The following PAK1 variants were observed in gnomAD, a reference collection of about 807,000 sequenced individuals.
PAK1 encodes p21 (RAC1) activated kinase 1, also known as serine/threonine-protein kinase PAK 1.
PAK1 carries 29 observed loss-of-function variants against 67.4 expected under a neutral mutation model. That is an observed-to-expected ratio of 0.43 (90% CI 0.32 to 0.59). PAK1 has a LOEUF of 0.59. PAK1 is among the 20% of genes least tolerant of loss of function. PAK1 has a pLI of 0.07. For missense variants in PAK1, 337 were observed against 670.7 expected (o/e 0.50, Z 5.50); for synonymous variants, 223 against 237.4 (o/e 0.94, Z 0.56).
chr11:77,438,900 C>T (rs934300567), intron 1 of PAK1, among the ~76,000 whole-genome samples: 12 of 152,276 alleles, frequency 7.9e-5, no homozygotes, highest in Non-Finnish European at 1.3e-4. Context: ...TTAATAAAAA[C>T]CACTCACCCA....
intron 1 of PAK1, among the ~76,000 whole-genome samples, chr11:77,423,364 C>G (rs1955378401): frequency 6.7e-6 from 1 of 149,698 alleles, no homozygotes; most frequent in Non-Finnish European, 1.5e-5. Context: ...AGAATATAAC[C>G]TGTCTACTTC....
rs34083265 is a variant in PAK1 at position 77,381,138 on chromosome 11, AGTGTGTGTGT to A, written c.191-1154_191-1145del. Among the ~76,000 whole-genome samples the A allele has an allele frequency of 2.1e-3, 308 of 144,470 alleles. 3 individuals are homozygous for A. Among genetic ancestry groups the A allele is most frequent in the African/African-American group, 7.5e-3 (292 of 39,136 alleles). The allele number at this position is 144,470 out of a possible 152,430, so 94.8% of individuals were successfully genotyped here. A position where few individuals can be genotyped will look rare whatever the true frequency, so the allele number is the denominator to read the frequency against. On this transcript the variant is annotated intron_variant, in intron 2 of 14. Transcript: ENST00000356341. The stretch of plus-strand genomic sequence containing the variant: ...CAGTTTCACCTCTACCTCACCACAG[AGTGTGTGTGT>A]GTGTGTGTGTGTGTGTGTGTGTGTG...
Position 77,429,056 on chromosome 11 carries a change from TAAAAAAAAA to T in PAK1, c.-21-36524_-21-36516del, listed in dbSNP as rs566874549. Among the ~76,000 whole-genome samples, 426 of 48,872 alleles carry T rather than the reference TAAAAAAAAA, an allele frequency of 8.7e-3. 1 individual carries two copies. Among genetic ancestry groups the T allele is most frequent in the South Asian group, 0.012 (9 of 746 alleles). The allele number at this position is 48,872 out of a possible 152,430, so 32.1% of individuals were successfully genotyped here. ...TTGGATTCTAAATGCCATTTAATAC[TAAAAAAAAA>T]AAAAAAAAAAAAAAAAAAAAAAAAA... is the stretch of plus-strand genomic sequence containing the variant. On this transcript the variant is annotated intron_variant, in intron 1 of 14. Transcript: ENST00000356341.
intron 1 of PAK1, among the ~76,000 whole-genome samples, chr11:77,441,495 T>C (rs951710449): frequency 2.0e-5 from 3 of 152,230 alleles, no homozygotes. Flanking sequence ...AGACGAAAAG[T>C]AGAGCTTCTC....
the PAK1 span, among the ~76,000 whole-genome samples, chr11:77,490,557 G>A: frequency 1.3e-3 from 198 of 151,154 alleles, 2 homozygotes; most frequent in African/African-American, 4.6e-3. Flanking sequence ...GGTGAGGGGC[G>A]TCTCTGCCCG....
At chr11:77,386,551 T>A (rs1233493962) in intron 2 of PAK1, among the ~76,000 whole-genome samples, 1 of 152,134 alleles carries the variant, frequency 6.6e-6, no homozygotes, top group Non-Finnish European at 1.5e-5. Context: ...TTCCAATCAT[T>A]TATGCATCCC....
At chr11:77,492,062 T>C in the PAK1 span, among the ~76,000 whole-genome samples, 3 of 152,246 alleles carry the variant, frequency 2.0e-5, no homozygotes, top group South Asian at 2.1e-4. Flanking sequence ...AGTGAGACTG[T>C]GCTAGGGTGA....
Position 77,349,304 on chromosome 11 carries a change from C to A in PAK1, c.837-17G>T. The A allele has an allele frequency of 6.3e-7, 1 of 1,589,506 alleles. No homozygotes were observed. Among genetic ancestry groups the A allele is most frequent in the Non-Finnish European group, 8.6e-7 (1 of 1,165,290 alleles). On this transcript the variant is annotated splice_polypyrimidine_tract_variant and intron_variant, in intron 8 of 14. Coordinates refer to ENST00000356341, the MANE Select transcript of PAK1 (RefSeq NM_002576.5). ...CCTGAAGCACTGAACAGTAAGGTGG[C>A]GGAGAAAGAGGGAAAAAAACACAGT...
intron 2 of PAK1, among the ~76,000 whole-genome samples, chr11:77,388,673 A>T (rs926794489): frequency 2.6e-5 from 4 of 152,194 alleles, no homozygotes; most frequent in Non-Finnish European, 5.9e-5. Flanking sequence ...TTCTAAAGCT[A>T]AAAGAAACTG....
At chr11:77,497,957 A>G in the PAK1 span, among the ~76,000 whole-genome samples, 1 of 152,190 alleles carries the variant, frequency 6.6e-6, no homozygotes, top group Non-Finnish European at 1.5e-5. Flanking sequence ...TACATCCTAC[A>G]TATGTAGTAG....
At chr11:77,513,052 T>C in the PAK1 span, among the ~76,000 whole-genome samples, 1 of 152,152 alleles carries the variant, frequency 6.6e-6, no homozygotes, top group Non-Finnish European at 1.5e-5. Flanking sequence ...ATGGCGCCAC[T>C]GCACTCCAGC....
At chr11:77,439,431 C>T (rs920081295) in intron 1 of PAK1, among the ~76,000 whole-genome samples, 1 of 152,164 alleles carries the variant, frequency 6.6e-6, no homozygotes, top group African/African-American at 2.4e-5. Flanking sequence ...GTACAGGGCT[C>T]ACCAACATGG....
chr11:77,441,587 C>T (rs576730506), intron 1 of PAK1, among the ~76,000 whole-genome samples: 108 of 152,320 alleles, frequency 7.1e-4, no homozygotes, highest in Non-Finnish European at 1.5e-3. Context: ...TGTGAGGCTC[C>T]ACTTCAAAGC....
chr11:77,446,511 CAAA>C (rs56952838), intron 1 of PAK1, among the ~76,000 whole-genome samples: 3 of 60,676 alleles, frequency 4.9e-5, no homozygotes, highest in East Asian at 4.4e-4. Context: ...GACCCTGTCT[CAAA>C]AAAAAAAAAA....
At chr11:77,345,405 T>C (rs1944276558) in intron 9 of PAK1, among the ~76,000 whole-genome samples, 1 of 152,242 alleles carries the variant, frequency 6.6e-6, no homozygotes, top group Admixed American at 6.5e-5. Flanking sequence ...TTCTAAGTGT[T>C]CATTCTCTAG....
the PAK1 span, among the ~76,000 whole-genome samples, chr11:77,523,862 C>T: frequency 3.3e-5 from 5 of 152,170 alleles, no homozygotes; most frequent in Admixed American, 2.6e-4. Flanking sequence ...TCCAGTTTCT[C>T]AGTGTCACGT....
At chr11:77,484,444 G>T in the PAK1 span, among the ~76,000 whole-genome samples, 1 of 152,162 alleles carries the variant, frequency 6.6e-6, no homozygotes, top group African/African-American at 2.4e-5. Context: ...TTCTAAGCTC[G>T]TTTTAGTGTA....
chr11:77,349,195 A>ATTT (rs1349746259), intron 9 of PAK1, 44 bp downstream of exon 9: 1 of 1,453,630 alleles, frequency 6.9e-7, no homozygotes, highest in Non-Finnish European at 9.5e-7. Flanking sequence ...CCCAAATAAA[A>ATTT]AGAAACAGAA....
At chr11:77,424,922 T>C (rs1214427444) in intron 1 of PAK1, among the ~76,000 whole-genome samples, 2 of 152,228 alleles carry the variant, frequency 1.3e-5, no homozygotes, top group South Asian at 4.1e-4. Flanking sequence ...CAGTACTTCA[T>C]ACAAAGCCTA....
Sources: allele counts gnomAD v4.1 joint callset (sites outside exome capture counted in the v4.1 genomes callset), GRCh38; gene constraint gnomAD v4.1.1; transcripts MANE v1.5; gene names NCBI Gene and HGNC (gene_info 2026-07-23, HGNC 2026-07-21).